ULK4: variants seen among roughly 807,000 people sequenced by gnomAD.
ULK4 encodes the protein unc-51 like kinase 4.
A neutral mutation model predicts 160.6 loss-of-function variants in ULK4; 133 were observed. That is an observed-to-expected ratio of 0.83 (90% CI 0.72 to 0.96). The LOEUF (loss-of-function observed/expected upper bound fraction) is 0.96, where lower values mean the gene tolerates loss of function less well. Among genes scored for constraint, ULK4 ranks in the 40% least tolerant of loss-of-function variants. ULK4 has a pLI of 0.00. For missense variants in ULK4, 1,580 were observed against 1,499.5 expected (o/e 1.05, Z -0.89); for synonymous variants, 534 against 539.8 (o/e 0.99, Z 0.15).
chr3:41,857,940 C>A (rs1028083577), intron 17 of ULK4, among the ~76,000 whole-genome samples: 2 of 151,962 alleles, frequency 1.3e-5, no homozygotes, highest in African/African-American at 4.8e-5. Flanking sequence ...ATTGTTTCTC[C>A]ATTTCAATTT....
At chr3:41,806,991 C>T (rs2040662121) in intron 19 of ULK4, among the ~76,000 whole-genome samples, 1 of 151,886 alleles carries the variant, frequency 6.6e-6, no homozygotes, top group Non-Finnish European at 1.5e-5. Flanking sequence ...CTCTACCAAG[C>T]ATGGTACACG....
intron 34 of ULK4, 55 bp from the exon 35 acceptor site, chr3:41,398,319 C>CA (rs61656093): frequency 1.4e-4 from 212 of 1,549,254 alleles, no homozygotes; most frequent in African/African-American, 3.1e-4. Context: ...TATTAGTACT[C>CA]AAAAAAAACA....
At chr3:41,573,538 A>G (rs907739774) in intron 31 of ULK4, among the ~76,000 whole-genome samples, 2 of 152,224 alleles carry the variant, frequency 1.3e-5, no homozygotes, top group Non-Finnish European at 2.9e-5. Context: ...CCTTTGGTTC[A>G]GGCCAGAATT....
At position 41,246,837 on chromosome 3, in the gene ULK4, A is replaced by G; in HGVS notation, c.*92T>C. On this transcript the variant is annotated 3_prime_UTR_variant, in exon 37 of 37. Coordinates refer to ENST00000301831, the MANE Select transcript of ULK4 (RefSeq NM_017886.4). ...TTTATTAGGTCCAAAGACAGCTGTG[A>G]GGGGATGTGGCAAAGGTGTCTGGGA... The G allele has an allele frequency of 2.1e-6, 3 of 1,454,268 alleles. No individual in the cohort carries two copies. The highest frequency in any genetic ancestry group is 2.8e-6 in the Non-Finnish European group (3 of 1,056,974). 90.1% of individuals were successfully genotyped at this position (1,454,268 alleles called of 1,614,324 possible).
intron 34 of ULK4, among the ~76,000 whole-genome samples, chr3:41,415,501 C>G (rs545870028): frequency 6.6e-6 from 1 of 152,286 alleles, no homozygotes; most frequent in Non-Finnish European, 1.5e-5. Context: ...CCTTCCCTCA[C>G]TCCTCTAAAC....
At chr3:41,359,357 A>C (rs1396692523) in intron 35 of ULK4, among the ~76,000 whole-genome samples, 1 of 152,238 alleles carries the variant, frequency 6.6e-6, no homozygotes, top group Non-Finnish European at 1.5e-5. Flanking sequence ...GAGCTCCCCT[A>C]GGGAGCAAAC....
chr3:41,470,018 G>GAAAAAAAAAAAA lies in ULK4; in HGVS notation c.3227-6777_3227-6766dup, dbSNP rs71094650. Reference sequence around the variant, plus strand: ...GAGGAATTCAAGAAGAAACAGAACAGAAAAAAAAAAAAAAAAAAAAAAAAA... The same window carrying GAAAAAAAAAAAA: ...GAGGAATTCAAGAAGAAACAGAACAGAAAAAAAAAAAAAAAAAAAAAAAAAAAAAAAAAAAAA... On this transcript the variant is annotated intron_variant, in intron 32 of 36. Coordinates refer to ENST00000301831, the MANE Select transcript of ULK4 (RefSeq NM_017886.4). Among the ~76,000 whole-genome samples the GAAAAAAAAAAAA allele has an allele frequency of 1.7e-3, 76 of 45,976 alleles. 1 individual carries two copies. The highest frequency in any genetic ancestry group is 3.6e-3 in the East Asian group (4 of 1,104). 30.2% of individuals were successfully genotyped at this position (45,976 alleles called of 152,430 possible). A position where few individuals can be genotyped will look rare whatever the true frequency, so the allele number is the denominator to read the frequency against.
chr3:41,383,030 A>G (rs541582663), intron 35 of ULK4, among the ~76,000 whole-genome samples: 3 of 152,214 alleles, frequency 2.0e-5, no homozygotes, highest in South Asian at 4.1e-4. Context: ...TTCATAAGAG[A>G]AGGCCCCTTA....
chr3:41,912,899 T>A lies in ULK4; in HGVS notation c.804A>T (p.Arg268Ser), dbSNP rs373889581. ...GCTGCAGTAGCCTTGTCCAAGTCAA[T>A]CTTTAAAAAACATAAATGTTAAAAC... ...DGLLQRDPQK[R>S]LTWTRLLQHS... Residue 268 changes from arginine (R) to serine (S), a missense_variant and splice_region_variant, in exon 9 of 37, where the codon AGA (arginine) becomes AGT (serine). Arg to Ser is a moderately radical substitution (Grantham distance 110, BLOSUM62 -1). Coordinates refer to ENST00000301831, the MANE Select transcript of ULK4 (RefSeq NM_017886.4). The A allele has an allele frequency of 5.0e-6, 8 of 1,613,666 alleles. No individual in the cohort carries two copies. Among genetic ancestry groups the A allele is most frequent in the Non-Finnish European group, 6.8e-6 (8 of 1,179,918 alleles).
intron 34 of ULK4, among the ~76,000 whole-genome samples, chr3:41,419,787 A>G (rs771922028): frequency 9.2e-5 from 14 of 152,102 alleles, no homozygotes; most frequent in Non-Finnish European, 1.5e-4. Context: ...GAAGGGCATA[A>G]GAAGGATGAA....
chr3:41,476,882 A>G (rs2084163225), intron 32 of ULK4, among the ~76,000 whole-genome samples: 1 of 152,198 alleles, frequency 6.6e-6, no homozygotes, highest in Non-Finnish European at 1.5e-5. Context: ...ATATACAGGG[A>G]AAGTCAAAGC....
chr3:41,561,475 C>G (rs1237337955), intron 32 of ULK4, among the ~76,000 whole-genome samples: 1 of 152,152 alleles, frequency 6.6e-6, no homozygotes, highest in East Asian at 1.9e-4. Flanking sequence ...TAGAATTCAG[C>G]TGTGAATTCA....
chr3:41,821,645 C>G (rs1045329312), intron 18 of ULK4, among the ~76,000 whole-genome samples: 1 of 152,046 alleles, frequency 6.6e-6, no homozygotes, highest in Non-Finnish European at 1.5e-5. Flanking sequence ...ACATCTTATC[C>G]CCTCTGGGTC....
At chr3:41,950,624 A>G (rs1418369571) in intron 2 of ULK4, among the ~76,000 whole-genome samples, 1 of 151,946 alleles carries the variant, frequency 6.6e-6, no homozygotes, top group Non-Finnish European at 1.5e-5. Flanking sequence ...CCTGAGCTCA[A>G]GCAATTCGCC....
chr3:41,718,866 G>A (rs909311930), intron 22 of ULK4, among the ~76,000 whole-genome samples: 1 of 152,172 alleles, frequency 6.6e-6, no homozygotes, highest in Non-Finnish European at 1.5e-5. Flanking sequence ...GCGTTTCCAT[G>A]TATTACTATT....
At chr3:41,727,967 A>C (rs1173415285) in intron 22 of ULK4, among the ~76,000 whole-genome samples, 1 of 152,230 alleles carries the variant, frequency 6.6e-6, no homozygotes, top group African/African-American at 2.4e-5. Flanking sequence ...AGAAGTCAAG[A>C]ATAATTCCAT....
rs764069195 is a variant in ULK4 at position 41,566,132 on chromosome 3, T to C, written c.3121-2A>G. On this transcript the variant is annotated splice_acceptor_variant, in intron 31 of 36. Coordinates refer to ENST00000301831, the MANE Select transcript of ULK4 (RefSeq NM_017886.4). LOFTEE classifies it high-confidence loss of function. ...ACCCAGAATGCTCTCCTGATGTTCC[T>C]GCAATAGATCATAATTTCCATCATA... is the stretch of plus-strand genomic sequence containing the variant. 6.2e-7 allele frequency: 1 copy of C among 1,607,644 alleles called. No individual in the cohort carries two copies. The highest frequency in any genetic ancestry group is 1.1e-5 in the South Asian group (1 of 89,966).
intron 18 of ULK4, among the ~76,000 whole-genome samples, chr3:41,832,322 G>A (rs2041620502): frequency 6.6e-6 from 1 of 151,992 alleles, no homozygotes. Context: ...TATGTTTGTT[G>A]GCCACATAAA....
chr3:41,424,026 G>A (rs767822235), intron 34 of ULK4, among the ~76,000 whole-genome samples: 2 of 152,118 alleles, frequency 1.3e-5, no homozygotes, highest in Admixed American at 6.5e-5. Flanking sequence ...GCTGCCTGTT[G>A]CCTAAGACAA....
Sources: allele counts gnomAD v4.1 joint callset (sites outside exome capture counted in the v4.1 genomes callset), GRCh38; gene constraint gnomAD v4.1.1; transcripts MANE v1.5; gene names NCBI Gene and HGNC (gene_info 2026-07-23, HGNC 2026-07-21).